EPHA4: variants seen among roughly 807,000 people sequenced by gnomAD.
EPHA4 encodes ephrin type-A receptor 4.
EPHA4 carries 19 observed loss-of-function variants against 108.3 expected under a neutral mutation model. The observed-to-expected ratio is 0.18, with a 90% CI of 0.12 to 0.26. The LOEUF (loss-of-function observed/expected upper bound fraction) is 0.26. Ranked by LOEUF, EPHA4 falls within the 10% of genes least tolerant of loss-of-function variation. The pLI, the probability that EPHA4 is intolerant of heterozygous loss-of-function variation, is 1.00. For missense variants in EPHA4, 917 were observed against 1,254.0 expected (o/e 0.73, Z 4.06); for synonymous variants, 449 against 455.5 (o/e 0.99, Z 0.18).
At chr2:221,456,587 G>T (rs1293064523) in intron 7 of EPHA4, 26 bp downstream of exon 7, 2 of 1,610,304 alleles carry the variant, frequency 1.2e-6, no homozygotes, top group South Asian at 2.2e-5. Flanking sequence ...CCTCAGAAGT[G>T]ACTGAGTCTG....
At chr2:221,534,519 C>T (rs1574641616) in intron 3 of EPHA4, among the ~76,000 whole-genome samples, 2 of 152,202 alleles carry the variant, frequency 1.3e-5, no homozygotes, top group East Asian at 3.9e-4. Flanking sequence ...CTAAATTGGC[C>T]TTCTTCCCTG....
chr2:221,550,684 A>G (rs1167440192), intron 3 of EPHA4, among the ~76,000 whole-genome samples: 1 of 152,220 alleles, frequency 6.6e-6, no homozygotes, highest in Non-Finnish European at 1.5e-5. Flanking sequence ...AGTGAGTGGC[A>G]GAGCTGAGAT....
intron 3 of EPHA4, among the ~76,000 whole-genome samples, chr2:221,557,556 C>G (rs1180931402): frequency 6.6e-6 from 1 of 152,158 alleles, no homozygotes; most frequent in Non-Finnish European, 1.5e-5. Flanking sequence ...AAGTTAGTGT[C>G]TACAATTGCA....
chr2:221,524,621 G>T (rs1453730039), intron 3 of EPHA4, among the ~76,000 whole-genome samples: 1 of 152,190 alleles, frequency 6.6e-6, no homozygotes, highest in African/African-American at 2.4e-5. Context: ...GAAGTACATT[G>T]TACTTAGTGA....
intron 8 of EPHA4, among the ~76,000 whole-genome samples, chr2:221,446,622 A>G (rs1382612208): frequency 6.6e-6 from 1 of 152,150 alleles, no homozygotes; most frequent in Non-Finnish European, 1.5e-5. Context: ...AAATGGCAGT[A>G]ATGTTCAGTA....
chr2:221,490,145 CA>C (rs34398551), intron 4 of EPHA4, among the ~76,000 whole-genome samples: 63,337 of 102,618 alleles, frequency 0.62, 16,100 homozygotes, highest in East Asian at 0.75. Flanking sequence ...GACCCTGTCT[CA>C]AAAAAAAAAA....
chr2:221,459,889 G>T (rs1247038043), intron 5 of EPHA4, among the ~76,000 whole-genome samples: 1 of 152,162 alleles, frequency 6.6e-6, no homozygotes, highest in African/African-American at 2.4e-5. Context: ...CTCGGAAATG[G>T]TCTTGGTCAG....
intron 4 of EPHA4, among the ~76,000 whole-genome samples, chr2:221,499,330 C>T (rs1692400996): frequency 1.3e-5 from 2 of 150,736 alleles, no homozygotes; most frequent in Admixed American, 6.6e-5. Context: ...TGAGCATGTT[C>T]CTTAACATCT....
intron 3 of EPHA4, among the ~76,000 whole-genome samples, chr2:221,556,921 AC>A (rs1456133638): frequency 6.6e-6 from 1 of 152,204 alleles, no homozygotes; most frequent in Admixed American, 6.5e-5. Flanking sequence ...AGGGTTTGGT[AC>A]TATTTGAGCT....
chr2:221,572,216 C>T lies in EPHA4; in HGVS notation c.33G>A (p.Ser11=). The T allele has an allele frequency of 1.2e-5, 19 of 1,614,146 alleles. No homozygotes were observed. The highest frequency in any genetic ancestry group is 1.6e-5 in the Non-Finnish European group (19 of 1,179,972). ...CAGCGTCGCAAATCCCGAAGAGACACGAAAATAGGGCGAAATAGAAAATCC... is the reference window on the plus strand; with the variant it reads ...CAGCGTCGCAAATCCCGAAGAGACATGAAAATAGGGCGAAATAGAAAATCC... The part of the protein sequence containing the change: MAGIFYFALF[S]CLFGICDAVT... The change falls in exon 1 of 18, where the codon TCG becomes TCA. Residue 11 remains serine (S), a synonymous_variant. Transcript: ENST00000281821.
At chr2:221,485,154 C>T (rs1339761600) in intron 4 of EPHA4, among the ~76,000 whole-genome samples, 2 of 152,180 alleles carry the variant, frequency 1.3e-5, no homozygotes, top group East Asian at 3.9e-4. Context: ...CACAATGAAT[C>T]AAGCACCACA....
At chr2:221,537,649 G>T (rs1292259350) in intron 3 of EPHA4, among the ~76,000 whole-genome samples, 3 of 152,172 alleles carry the variant, frequency 2.0e-5, no homozygotes, top group Non-Finnish European at 2.9e-5. Flanking sequence ...ATTTAGCAAG[G>T]TGCAGTGGTG....
chr2:221,534,615 T>A (rs1408215148), intron 3 of EPHA4, among the ~76,000 whole-genome samples: 1 of 152,242 alleles, frequency 6.6e-6, no homozygotes, highest in Non-Finnish European at 1.5e-5. Context: ...TGACTATCCC[T>A]GGAACCCATG....
chr2:221,439,812 G>A (rs1202235599), intron 11 of EPHA4, among the ~76,000 whole-genome samples: 4 of 152,204 alleles, frequency 2.6e-5, no homozygotes, highest in Admixed American at 6.5e-5. Context: ...GAGCTGTGGA[G>A]ACGACAGGAG....
intron 4 of EPHA4, among the ~76,000 whole-genome samples, chr2:221,488,853 C>G (rs1198545462): frequency 6.6e-6 from 1 of 152,152 alleles, no homozygotes; most frequent in African/African-American, 2.4e-5. Flanking sequence ...CGGCAATATT[C>G]CAAGCATAAA....
intron 14 of EPHA4, among the ~76,000 whole-genome samples, chr2:221,432,580 T>C (rs1305678579): frequency 2.0e-5 from 3 of 152,182 alleles, no homozygotes; most frequent in Non-Finnish European, 4.4e-5. Flanking sequence ...CTTAATCTGG[T>C]TGGTCAGCAT....
At chr2:221,461,370 A>C (rs1367102199) in intron 5 of EPHA4, among the ~76,000 whole-genome samples, 1 of 152,152 alleles carries the variant, frequency 6.6e-6, no homozygotes, top group Non-Finnish European at 1.5e-5. Context: ...AGAAGAGGAG[A>C]TAATAGAATT....
intron 4 of EPHA4, among the ~76,000 whole-genome samples, chr2:221,495,451 C>T (rs1022927752): frequency 3.3e-5 from 5 of 152,176 alleles, no homozygotes; most frequent in Non-Finnish European, 7.3e-5. Context: ...TCAGGCCTAA[C>T]CTCGCTCCTC....
At chr2:221,461,648 G>C (rs997609338) in intron 5 of EPHA4, among the ~76,000 whole-genome samples, 1 of 152,150 alleles carries the variant, frequency 6.6e-6, no homozygotes, top group Admixed American at 6.5e-5. Context: ...CCGAGAGGGG[G>C]AATGGGTAAG....
Sources: gnomAD v4.1 joint callset for allele counts (sites outside exome capture counted in the v4.1 genomes callset) on GRCh38, gnomAD v4.1.1 for gene constraint, MANE v1.5 for transcripts, NCBI Gene and HGNC (gene_info 2026-07-23, HGNC 2026-07-21) for gene names.